Variants in NAT1 observed in about 807,000 individuals in gnomAD.
NAT1 encodes the protein N-acetyltransferase 1.
For synonymous variants in NAT1, 144 were observed against 122.6 expected (o/e 1.17, Z -1.16); for missense variants, 400 against 339.2 (o/e 1.18, Z -1.41).
At chr8:18,193,935 C>T (rs992720043) in intron 2 of NAT1, among the ~76,000 whole-genome samples, 5 of 152,112 alleles carry the variant, frequency 3.3e-5, no homozygotes, top group Admixed American at 2.0e-4. Flanking sequence ...GCCACCACAC[C>T]CGGCCTAAAC....
At chr8:18,179,068 C>T (rs1195298514) in intron 2 of NAT1, among the ~76,000 whole-genome samples, 1 of 152,118 alleles carries the variant, frequency 6.6e-6, no homozygotes, top group Non-Finnish European at 1.5e-5. Flanking sequence ...GTATGCCCGG[C>T]CTTCTCTCTT....
chr8:18,204,562 A>C (rs1211026413), intron 2 of NAT1, among the ~76,000 whole-genome samples: 1 of 62,804 alleles, frequency 1.6e-5, no homozygotes. Flanking sequence ...TTAATATGAT[A>C]CAGAACAAAA....
chr8:18,177,442 C>T (rs993364074), intron 2 of NAT1, among the ~76,000 whole-genome samples: 5 of 152,026 alleles, frequency 3.3e-5, no homozygotes, highest in African/African-American at 1.2e-4. Context: ...CAAACAATTG[C>T]TTCTGACGTA....
chr8:18,204,050 C>T lies in NAT1; in HGVS notation n.93-5731C>T, dbSNP rs554338842. Among the ~76,000 whole-genome samples, 8 of 152,270 alleles carry T rather than the reference C, an allele frequency of 5.3e-5. No individual in the cohort carries two copies. The South Asian group carries it at 8.3e-4, about 16-fold the overall frequency. On this transcript the variant is annotated intron_variant and non_coding_transcript_variant, in intron 2 of 4. Transcript: ENST00000517441. ...CAGCCTTCCGCACGCACTATGTAGA[C>T]GTCATACCTGATCTAACCAATTTGT...
intron 2 of NAT1, among the ~76,000 whole-genome samples, chr8:18,172,571 C>T (rs2040470): frequency 0.45 from 67,788 of 151,910 alleles, 18,578 homozygotes; most frequent in African/African-American, 0.78. Flanking sequence ...TCTGTGCAGG[C>T]CACCCTTTAC....
chr8:18,197,415 T>G (rs555928297), intron 2 of NAT1, among the ~76,000 whole-genome samples: 2 of 152,290 alleles, frequency 1.3e-5, no homozygotes, highest in Admixed American at 1.3e-4. Context: ...CCAGGAGTGA[T>G]CTCTCCACCT....
intron 2 of NAT1, among the ~76,000 whole-genome samples, chr8:18,203,137 A>T (rs894805545): frequency 6.6e-6 from 1 of 152,140 alleles, no homozygotes; most frequent in Non-Finnish European, 1.5e-5. Context: ...TCACTATAAG[A>T]TCTGCTTCTG....
At chr8:18,170,894 CT>C (rs34731083) in intron 2 of NAT1, among the ~76,000 whole-genome samples, 64,978 of 150,222 alleles carry the variant, frequency 0.43, 15,346 homozygotes, top group South Asian at 0.64. Flanking sequence ...TCTCTCTCTC[CT>C]TTTTTTTTTC....
At position 18,222,748 on chromosome 8, in the gene NAT1, T is replaced by C; in HGVS notation, c.701T>C (p.Leu234Ser). 6.2e-7 allele frequency: 1 copy of C among 1,613,910 alleles called. No individual in the cohort carries two copies. The highest frequency in any genetic ancestry group is 8.5e-7 in the Non-Finnish European group (1 of 1,179,936). Reference protein sequence around the residue: ...SLQTPDGVHCLVGFTLTHRRF... With the variant: ...SLQTPDGVHCSVGFTLTHRRF... The stretch of plus-strand genomic sequence containing the variant: ...CAGACCCCAGATGGGGTTCACTGTT[T>C]GGTGGGCTTCACCCTCACCCATAGG... The change falls in exon 3 of 3, where the codon TTG (leucine) becomes TCG (serine). Residue 234 changes from leucine to serine, a missense_variant. By Grantham distance (145) the Leu-to-Ser change is moderately radical. Coordinates refer to ENST00000307719, the MANE Select transcript of NAT1 (RefSeq NM_000662.8).
intron 1 of NAT1, among the ~76,000 whole-genome samples, chr8:18,218,572 T>C (rs1057074588): frequency 1.3e-5 from 2 of 152,188 alleles, no homozygotes; most frequent in Non-Finnish European, 2.9e-5. Context: ...TATAGTTGTG[T>C]CTGTGACAAT....
chr8:18,206,685 T>G (rs977849869), upstream of NAT1, among the ~76,000 whole-genome samples: 4 of 152,240 alleles, frequency 2.6e-5, no homozygotes, highest in African/African-American at 9.6e-5. Flanking sequence ...TCTGGTAAAC[T>G]TGTTTAAGTT....
At chr8:18,186,174 C>T (rs1023839767) in intron 2 of NAT1, among the ~76,000 whole-genome samples, 1 of 152,140 alleles carries the variant, frequency 6.6e-6, no homozygotes, top group Middle Eastern at 3.4e-3. Context: ...ATTTTTTGTG[C>T]TTTGATTTTA....
At chr8:18,185,172 T>G (rs1026688817) in intron 2 of NAT1, among the ~76,000 whole-genome samples, 1 of 152,206 alleles carries the variant, frequency 6.6e-6, no homozygotes, top group Non-Finnish European at 1.5e-5. Context: ...TAGATTAACT[T>G]CATAAAAGAA....
intron 1 of NAT1, among the ~76,000 whole-genome samples, chr8:18,213,767 C>A (rs1804342536): frequency 6.6e-6 from 1 of 151,964 alleles, no homozygotes. Flanking sequence ...TTGGACTCTC[C>A]TAGACTCTGG....
chr8:18,205,083 G>C (rs909724880), intron 2 of NAT1, among the ~76,000 whole-genome samples: 6 of 152,294 alleles, frequency 3.9e-5, no homozygotes, highest in Middle Eastern at 3.4e-3. Flanking sequence ...CGGACCATTG[G>C]TCACTACACT....
intron 2 of NAT1, among the ~76,000 whole-genome samples, chr8:18,202,746 C>CA (rs111818240): frequency 9.5e-4 from 145 of 152,246 alleles, no homozygotes; most frequent in Middle Eastern, 3.4e-3. Flanking sequence ...TTACAGCTTA[C>CA]AAAGGTAGTG....
intron 2 of NAT1, among the ~76,000 whole-genome samples, chr8:18,203,766 A>G (rs772976746): frequency 2.0e-5 from 3 of 152,216 alleles, no homozygotes; most frequent in Non-Finnish European, 4.4e-5. Context: ...TTACTTAGGC[A>G]GATAGTAAGG....
At chr8:18,192,873 G>T (rs1317031057) in intron 2 of NAT1, among the ~76,000 whole-genome samples, 4 of 150,988 alleles carry the variant, frequency 2.6e-5, no homozygotes, top group African/African-American at 4.9e-5. Flanking sequence ...ATAGCATTAG[G>T]AGATATACCT....
chr8:18,205,726 A>G (rs1255577943), upstream of NAT1, among the ~76,000 whole-genome samples: 1 of 152,118 alleles, frequency 6.6e-6, no homozygotes, highest in Non-Finnish European at 1.5e-5. Flanking sequence ...CAGTGTGGAG[A>G]GGGTGCATGC....
Sources: gnomAD v4.1 joint callset for allele counts (sites outside exome capture counted in the v4.1 genomes callset) on GRCh38, gnomAD v4.1.1 for gene constraint, MANE v1.5 for transcripts, NCBI Gene and HGNC (gene_info 2026-07-23, HGNC 2026-07-21) for gene names.